Variants in ENDOV observed in about 807,000 individuals in gnomAD.
ENDOV encodes endonuclease V, also known as hEndoV.
Under a neutral mutation model 39.4 loss-of-function variants are expected in ENDOV, and 37 were observed. The observed-to-expected ratio is 0.94, with a 90% CI of 0.72 to 1.23. The LOEUF (loss-of-function observed/expected upper bound fraction) is 1.23, where lower values mean the gene tolerates loss of function less well. Among genes scored for constraint, ENDOV ranks in the 50% most tolerant of loss-of-function variants. The pLI is 0.00. For synonymous variants in ENDOV, 186 were observed against 163.4 expected (o/e 1.14, Z -1.05); for missense variants, 441 against 375.7 (o/e 1.17, Z -1.44).
At chr17:80,416,098 G>GT in intron 2 of ENDOV, 2 of 327,254 alleles carry the variant, frequency 6.1e-6, no homozygotes, top group Non-Finnish European at 1.1e-5. Flanking sequence ...TTAGACGGGT[G>GT]TGGTGGCATA....
intron 3 of ENDOV, 52 bp downstream of exon 3, chr17:80,422,014 G>A: frequency 6.3e-7 from 1 of 1,595,052 alleles, no homozygotes; most frequent in South Asian, 1.1e-5. Context: ...CCCCCTGGGG[G>A]AGGGAAGGCT....
intron 9 of ENDOV, among the ~76,000 whole-genome samples, chr17:80,433,871 G>A (rs1291934879): frequency 6.6e-6 from 1 of 152,238 alleles, no homozygotes; most frequent in Non-Finnish European, 1.5e-5. Flanking sequence ...GCAGGCCAGA[G>A]CCTGGAGATA....
At chr17:80,419,474 G>A (rs1480393704) in intron 2 of ENDOV, 2 of 660,972 alleles carry the variant, frequency 3.0e-6, no homozygotes, top group East Asian at 5.5e-5. Flanking sequence ...GCTGGTGTGT[G>A]CTGCTCCACA....
chr17:80,429,401 G>A (rs139866778), intron 8 of ENDOV, among the ~76,000 whole-genome samples: 80 of 152,334 alleles, frequency 5.3e-4, no homozygotes, highest in African/African-American at 1.7e-3. Context: ...CACTCCCTAG[G>A]CAAAGATCGC....
At position 80,428,580 on chromosome 17, in the gene ENDOV, C is replaced by CGTCT; in HGVS notation, c.715-11_715-8dup. On this transcript the variant is annotated splice_polypyrimidine_tract_variant and intron_variant, in intron 7 of 9. Transcript: ENST00000518137. ...GAGACCAGCTCAGCACCCAGCAGCACGTCTGTCTCCCCCAGGCTGACATCT... is the reference window on the plus strand; with the variant it reads ...GAGACCAGCTCAGCACCCAGCAGCACGTCTGTCTGTCTCCCCCAGGCTGACATCT... 1 of 1,571,492 alleles carries CGTCT rather than the reference C, an allele frequency of 6.4e-7. No homozygotes were observed. The highest frequency in any genetic ancestry group is 1.2e-5 in the South Asian group (1 of 85,336).
chr17:80,423,677 G>A (rs768688806), intron 5 of ENDOV, 45 bp downstream of exon 5: 9 of 1,527,576 alleles, frequency 5.9e-6, no homozygotes, highest in Middle Eastern at 2.3e-4. Context: ...GCTCAGTGGC[G>A]GGGCTGTGGT....
Position 80,415,424 on chromosome 17 carries a change from C to T in ENDOV, c.56+174C>T, listed in dbSNP as rs41298656. On this transcript the variant is annotated intron_variant, in intron 1 of 9. Coordinates refer to ENST00000518137, the MANE Select transcript of ENDOV (RefSeq NM_173627.5). ...GAGGGATCTCAGGAATTGTAGTCCG[C>T]GGGGTGGGCGCGGTTCTCGCTTCCG... is the stretch of plus-strand genomic sequence containing the variant. 13 of 1,003,404 alleles carry T rather than the reference C, an allele frequency of 1.3e-5. No homozygotes were observed. In the East Asian group the frequency reaches 2.6e-4, roughly 20 times the overall value. 62.2% of individuals were successfully genotyped at this position (1,003,404 alleles called of 1,614,324 possible).
At chr17:80,422,635 A>G (rs1037367779) in intron 4 of ENDOV, among the ~76,000 whole-genome samples, 11 of 152,182 alleles carry the variant, frequency 7.2e-5, no homozygotes, top group Non-Finnish European at 1.5e-4. Context: ...GTCCACAACT[A>G]GACAGGTGTA....
intron 9 of ENDOV, 83 bp from the exon 10 acceptor site, chr17:80,436,050 T>C (rs1157474177): frequency 1.3e-6 from 2 of 1,496,260 alleles, no homozygotes; most frequent in African/African-American, 2.7e-5. Flanking sequence ...CCACTGCACC[T>C]GGCCCATTTC....
At chr17:80,426,103 C>G (rs1328723924) in intron 7 of ENDOV, among the ~76,000 whole-genome samples, 1 of 152,134 alleles carries the variant, frequency 6.6e-6, no homozygotes, top group African/African-American at 2.4e-5. Flanking sequence ...GGTGTTCGGT[C>G]CCCCAGGAAG....
chr17:80,425,219 G>GC, intron 6 of ENDOV, 119 bp downstream of exon 6: 1 of 920,278 alleles, frequency 1.1e-6, no homozygotes, highest in South Asian at 1.6e-5. Flanking sequence ...CCCCCCGCCT[G>GC]CCCGTCCATC....
chr17:80,435,912 G>A (rs942562318), intron 9 of ENDOV, among the ~76,000 whole-genome samples: 8 of 151,902 alleles, frequency 5.3e-5, no homozygotes, highest in East Asian at 1.9e-4. Flanking sequence ...CATTGTGTCC[G>A]GCCTAGTTTT....
chr17:80,428,695 C>T lies in ENDOV; in HGVS notation c.779+35C>T, dbSNP rs959645203. ...CAGGGAGGCTGGGGCACTAAAGGGG[C>T]ATCTCACAGACACCTGCATGGGCTG... On this transcript the variant is annotated intron_variant, in intron 8 of 9. Transcript: ENST00000518137. 5.8e-6 allele frequency: 9 copies of T among 1,549,978 alleles called. No homozygotes were observed. The Middle Eastern group carries it at 5.0e-4, about 86-fold the overall frequency.
Position 80,428,596 on chromosome 17 carries a change from G to C in ENDOV, c.715G>C (p.Ala239Pro). The C allele has an allele frequency of 1.9e-6, 3 of 1,579,946 alleles. No homozygotes were observed. The Admixed American group carries it at 5.4e-5, about 28-fold the overall frequency. The change falls in exon 8 of 10, where the codon GCT becomes CCT. Residue 239 changes from alanine to proline, a missense_variant and splice_region_variant. Ala to Pro is a conservative substitution (Grantham distance 27, BLOSUM62 -1). Transcript: ENST00000518137. Reference sequence around the variant, plus strand: ...CCAGCAGCACGTCTGTCTCCCCCAGGCTGACATCTGCTCCCGAGAGCACAT... The same window carrying C: ...CCAGCAGCACGTCTGTCTCCCCCAGCCTGACATCTGCTCCCGAGAGCACAT... Reference protein sequence around the residue: ...RFRIPEPVRQADICSREHIRK... With the variant: ...RFRIPEPVRQPDICSREHIRK...
Position 80,421,904 on chromosome 17 carries a change from C to T in ENDOV, c.305C>T (p.Pro102Leu). 6.2e-7 allele frequency: 1 copy of T among 1,611,002 alleles called. No individual in the cohort carries two copies. Among genetic ancestry groups the T allele is most frequent in the Non-Finnish European group, 8.5e-7 (1 of 1,179,262 alleles). Residue 102 changes from proline (P) to leucine (L), a missense_variant, in exon 3 of 10, where the codon CCC becomes CTC. Transcript: ENST00000518137. ...GGCTTCCTGGCCTTCCGAGAGGTGC[C>T]CTTCTTGCTGGAGCTGGTGCAGCAG... Reference protein sequence around the residue: ...VSGFLAFREVPFLLELVQQLR... With the variant: ...VSGFLAFREVLFLLELVQQLR...
intron 2 of ENDOV, chr17:80,420,503 C>A (rs994222999): frequency 6.6e-6 from 1 of 152,208 alleles, no homozygotes; most frequent in Non-Finnish European, 1.5e-5. Flanking sequence ...GATCCCCAAC[C>A]CTCTGTGCTA....
At chr17:80,424,145 C>T in intron 5 of ENDOV, 1 of 399,242 alleles carries the variant, frequency 2.5e-6, no homozygotes, top group South Asian at 1.3e-4. Context: ...GAGTGAGACA[C>T]TCACAATGGA....
rs370766897 is a variant in ENDOV, at chr17:80,425,564, G to T, written c.658G>T (p.Ala220Ser). ...GGGCCACAGGATGAGCCTGGAGGCC[G>T]CTGTGCGCCTGACTTGCTGCTGCTG... The part of the protein sequence containing the change: ...SVGHRMSLEA[A>S]VRLTCCCCRF... Residue 220 changes from alanine (A) to serine (S), a missense_variant, in exon 7 of 10, where the codon GCT (alanine) becomes TCT (serine). Coordinates refer to ENST00000518137, the MANE Select transcript of ENDOV (RefSeq NM_173627.5). 1.6e-5 allele frequency: 26 copies of T among 1,591,950 alleles called. No homozygotes were observed. The Admixed American group carries it at 4.3e-4, about 26-fold the overall frequency.
chr17:80,433,788 G>A (rs2083459776), intron 9 of ENDOV, among the ~76,000 whole-genome samples: 1 of 152,164 alleles, frequency 6.6e-6, no homozygotes, highest in African/African-American at 2.4e-5. Flanking sequence ...TGTCAGGTGG[G>A]CCTCCCCAGC....
Sources: allele counts gnomAD v4.1 joint callset (sites outside exome capture counted in the v4.1 genomes callset), GRCh38; gene constraint gnomAD v4.1.1; transcripts MANE v1.5; gene names NCBI Gene and HGNC (gene_info 2026-07-23, HGNC 2026-07-21).